The following FOXP2 variants were observed in gnomAD, a reference collection of about 807,000 sequenced individuals.
FOXP2 encodes forkhead box protein P2.
FOXP2 carries 12 observed loss-of-function variants against 115.8 expected under a neutral mutation model. The observed-to-expected ratio is 0.10, with a 90% CI of 0.07 to 0.17. The LOEUF (loss-of-function observed/expected upper bound fraction) is 0.17, where lower values mean the gene tolerates loss of function less well. Ranked by LOEUF, FOXP2 falls within the 10% of genes least tolerant of loss-of-function variation. The pLI is 1.00. For missense variants in FOXP2, 629 were observed against 843.5 expected (o/e 0.75, Z 3.15); for synonymous variants, 328 against 297.7 (o/e 1.10, Z -1.05).
At chr7:114,451,780 G>C in intron 2 of FOXP2, among the ~76,000 whole-genome samples, 1 of 151,986 alleles carries the variant, frequency 6.6e-6, no homozygotes, top group Non-Finnish European at 1.5e-5. Flanking sequence ...AAGATGTTAT[G>C]AGAAAGGACT....
intron 2 of FOXP2, among the ~76,000 whole-genome samples, chr7:114,526,989 C>CTT (rs1798909389): frequency 8.7e-6 from 1 of 114,482 alleles, no homozygotes; most frequent in Non-Finnish European, 1.8e-5. Context: ...AACCACTAAT[C>CTT]TATTTTTTTT....
chr7:114,495,485 T>TC (rs1797270964), intron 2 of FOXP2, among the ~76,000 whole-genome samples: 1 of 33,874 alleles, frequency 3.0e-5, no homozygotes, highest in Non-Finnish European at 5.2e-5. Flanking sequence ...CTCTCTCTCT[T>TC]TTTTTTTTTT....
intron 3 of FOXP2, among the ~76,000 whole-genome samples, chr7:114,619,162 C>A (rs1461707550): frequency 2.6e-5 from 4 of 152,116 alleles, no homozygotes; most frequent in Admixed American, 6.6e-5. Context: ...CTTTTAAAAT[C>A]ATCATTCATA....
intron 2 of FOXP2, among the ~76,000 whole-genome samples, chr7:114,293,118 CA>C (rs373455473): frequency 1.1e-3 from 167 of 152,228 alleles, no homozygotes; most frequent in African/African-American, 3.8e-3. Flanking sequence ...TTCTGGTTTT[CA>C]CTCCATTATA....
intron 2 of FOXP2, among the ~76,000 whole-genome samples, chr7:114,291,473 T>G (rs1796588376): frequency 6.6e-6 from 1 of 152,132 alleles, no homozygotes. Flanking sequence ...GTATTAGTTT[T>G]CTATTACCAT....
intron 3 of FOXP2, among the ~76,000 whole-genome samples, chr7:114,623,994 C>A (rs950903872): frequency 4.0e-5 from 6 of 151,884 alleles, no homozygotes; most frequent in African/African-American, 7.2e-5. Flanking sequence ...ATTGTCAGTT[C>A]TTTTTAATAC....
At chr7:114,385,951 A>G (rs886213213) in intron 2 of FOXP2, among the ~76,000 whole-genome samples, 8 of 152,330 alleles carry the variant, frequency 5.3e-5, no homozygotes, top group South Asian at 4.1e-4. Flanking sequence ...TTATAGCTCT[A>G]TTAGAAGCCG....
At chr7:114,654,931 A>G (rs548240461) in intron 10 of FOXP2, among the ~76,000 whole-genome samples, 1 of 152,284 alleles carries the variant, frequency 6.6e-6, no homozygotes, top group African/African-American at 2.4e-5. Context: ...TTTCTTATCA[A>G]TTAATATCAT....
chr7:114,585,819 AT>A (rs1044368333), intron 3 of FOXP2, among the ~76,000 whole-genome samples: 2 of 152,152 alleles, frequency 1.3e-5, no homozygotes, highest in Non-Finnish European at 2.9e-5. Context: ...GGGAGCTGAA[AT>A]TTTTTTTAAC....
intron 3 of FOXP2, chr7:114,538,436 A>T: frequency 9.8e-7 from 1 of 1,024,080 alleles, no homozygotes. Flanking sequence ...TAGCATTGTA[A>T]TCACTTCCTT....
intron 3 of FOXP2, among the ~76,000 whole-genome samples, chr7:114,573,446 C>T (rs1801419613): frequency 6.6e-6 from 1 of 151,686 alleles, no homozygotes; most frequent in Admixed American, 6.6e-5. Context: ...CGTAAGAGTA[C>T]TGGTGGGCTA....
intron 1 of FOXP2, among the ~76,000 whole-genome samples, chr7:114,096,089 A>G (rs1484073325): frequency 1.3e-5 from 2 of 152,126 alleles, no homozygotes; most frequent in South Asian, 2.1e-4. Flanking sequence ...CACGTGACAT[A>G]TACATCATGC....
intron 3 of FOXP2, among the ~76,000 whole-genome samples, chr7:114,536,889 G>A (rs1799423167): frequency 6.6e-6 from 1 of 151,444 alleles, no homozygotes; most frequent in Admixed American, 6.6e-5. Flanking sequence ...TTAATAAAAT[G>A]TGAGCCTTCA....
chr7:114,514,645 T>C (rs1293915294), intron 2 of FOXP2, among the ~76,000 whole-genome samples: 2 of 151,938 alleles, frequency 1.3e-5, no homozygotes, highest in Non-Finnish European at 2.9e-5. Context: ...TAAATAATGC[T>C]GCAATAGGAG....
chr7:114,125,712 G>C (rs566700351), intron 1 of FOXP2, among the ~76,000 whole-genome samples: 2 of 151,920 alleles, frequency 1.3e-5, no homozygotes, highest in Non-Finnish European at 2.9e-5. Context: ...CTTCCTTCCC[G>C]CTAGCCTGCT....
intron 3 of FOXP2, among the ~76,000 whole-genome samples, chr7:114,605,368 A>G (rs1482652019): frequency 6.6e-6 from 1 of 152,200 alleles, no homozygotes; most frequent in African/African-American, 2.4e-5. Context: ...ATAGTTGTTA[A>G]CCCTAATAAC....
At chr7:114,110,799 T>G (rs1275013180) in intron 1 of FOXP2, among the ~76,000 whole-genome samples, 1 of 152,166 alleles carries the variant, frequency 6.6e-6, no homozygotes, top group Non-Finnish European at 1.5e-5. Context: ...TAAAAGCTTT[T>G]GCATTTAACA....
intron 1 of FOXP2, among the ~76,000 whole-genome samples, chr7:114,417,451 G>C (rs1793400227): frequency 6.6e-6 from 1 of 151,834 alleles, no homozygotes; most frequent in Admixed American, 6.6e-5. Context: ...TTGGGTATTT[G>C]TTTTAAAGTT....
chr7:114,211,893 C>CA (rs1364674866), intron 1 of FOXP2, among the ~76,000 whole-genome samples: 2 of 151,998 alleles, frequency 1.3e-5, no homozygotes, highest in African/African-American at 2.4e-5. Flanking sequence ...GCCAACATGG[C>CA]AAAACCTCTT....
Sources: allele counts gnomAD v4.1 joint callset (sites outside exome capture counted in the v4.1 genomes callset), GRCh38; gene constraint gnomAD v4.1.1; transcripts MANE v1.5; gene names NCBI Gene and HGNC (gene_info 2026-07-23, HGNC 2026-07-21).